FOXP2: variants seen among roughly 807,000 people sequenced by gnomAD.
FOXP2 encodes forkhead box protein P2.
Under a neutral mutation model 115.8 loss-of-function variants are expected in FOXP2, and 12 were observed. The ratio of observed to expected loss-of-function variants is 0.10; its 90% CI spans 0.07 to 0.17. FOXP2 has a LOEUF of 0.17. Among genes scored for constraint, FOXP2 ranks in the 10% least tolerant of loss-of-function variants. The probability of loss-of-function intolerance (pLI) is 1.00; values close to 1 mark genes in which losing one functional copy is unlikely to be tolerated. For synonymous variants in FOXP2, 328 were observed against 297.7 expected (o/e 1.10, Z -1.05); for missense variants, 629 against 843.5 (o/e 0.75, Z 3.15).
At chr7:114,294,583 G>C (rs938607918) in intron 2 of FOXP2, among the ~76,000 whole-genome samples, 5 of 152,110 alleles carry the variant, frequency 3.3e-5, no homozygotes, top group Admixed American at 3.3e-4. Context: ...GCTTACACCT[G>C]TAATCCCATC....
chr7:114,351,871 G>A (rs1305784596), intron 2 of FOXP2, among the ~76,000 whole-genome samples: 1 of 152,114 alleles, frequency 6.6e-6, no homozygotes. Context: ...TTTCAGTATA[G>A]TACTATATTA....
intron 1 of FOXP2, among the ~76,000 whole-genome samples, chr7:114,422,725 A>T (rs1440710969): frequency 1.3e-5 from 2 of 151,714 alleles, no homozygotes; most frequent in Non-Finnish European, 3.0e-5. Flanking sequence ...TGTCCAGGTC[A>T]AGTTTCAAAC....
At chr7:114,431,618 T>C (rs957117312) in intron 2 of FOXP2, among the ~76,000 whole-genome samples, 1 of 151,968 alleles carries the variant, frequency 6.6e-6, no homozygotes, top group Non-Finnish European at 1.5e-5. Flanking sequence ...CCTTTGTGAC[T>C]GTGCATGATC....
chr7:114,668,853 A>T (rs1412281109), intron 16 of FOXP2: 3 of 152,152 alleles, frequency 2.0e-5, no homozygotes, highest in Non-Finnish European at 4.4e-5. Context: ...CAAATTGGAG[A>T]TTACAGTTAA....
At chr7:114,202,444 A>T (rs1794091792) in intron 1 of FOXP2, among the ~76,000 whole-genome samples, 3 of 152,200 alleles carry the variant, frequency 2.0e-5, no homozygotes, top group South Asian at 2.1e-4. Context: ...TTTATTAGTC[A>T]TTCACACCTG....
At chr7:114,094,852 G>T (rs1379079775) in intron 1 of FOXP2, among the ~76,000 whole-genome samples, 3 of 151,676 alleles carry the variant, frequency 2.0e-5, no homozygotes, top group Non-Finnish European at 4.4e-5. Context: ...TAAAGATGAG[G>T]TCTCGCTATG....
At chr7:114,132,800 G>A (rs1201530784) in intron 1 of FOXP2, among the ~76,000 whole-genome samples, 1 of 152,030 alleles carries the variant, frequency 6.6e-6, no homozygotes, top group Non-Finnish European at 1.5e-5. Context: ...CAGTACAGCT[G>A]GTATAGAATA....
chr7:114,343,692 G>T (rs569273875), intron 2 of FOXP2, among the ~76,000 whole-genome samples: 5 of 151,540 alleles, frequency 3.3e-5, no homozygotes, highest in Admixed American at 2.0e-4. Context: ...GCTGTCTATT[G>T]CTTCCACCTT....
intron 1 of FOXP2, among the ~76,000 whole-genome samples, chr7:114,184,151 T>C (rs1409890765): frequency 6.6e-6 from 1 of 152,216 alleles, no homozygotes; most frequent in Non-Finnish European, 1.5e-5. Context: ...TATTTTGCCA[T>C]CTTTTATTTT....
chr7:114,626,379 G>A (rs1011477856), intron 3 of FOXP2, among the ~76,000 whole-genome samples: 1 of 151,632 alleles, frequency 6.6e-6, no homozygotes, highest in Non-Finnish European at 1.5e-5. Context: ...TCCCCATAAA[G>A]TTCACTTATC....
At chr7:114,389,825 A>T (rs1792543462) in intron 2 of FOXP2, among the ~76,000 whole-genome samples, 1 of 152,062 alleles carries the variant, frequency 6.6e-6, no homozygotes, top group African/African-American at 2.4e-5. Flanking sequence ...GGAGTTGGAG[A>T]CTAGCCTGGC....
Position 114,434,064 on chromosome 7 carries a change from T to A in FOXP2, c.168+7385T>A, listed in dbSNP as rs368049470. ...ACCACAAATATACTCATGTTATTACTCAACTTTGATTCAGGGAATGAACCA... is the reference window on the plus strand; with the variant it reads ...ACCACAAATATACTCATGTTATTACACAACTTTGATTCAGGGAATGAACCA... On this transcript the variant is annotated intron_variant, in intron 2 of 16. Transcript: ENST00000350908. 2.9e-4 allele frequency among the ~76,000 whole-genome samples: 44 copies of A among 152,156 alleles called. 1 individual carries two copies. Among genetic ancestry groups the A allele is most frequent in the African/African-American group, 9.9e-4 (41 of 41,578 alleles).
intron 1 of FOXP2, among the ~76,000 whole-genome samples, chr7:114,232,913 C>A (rs1029906053): frequency 6.6e-6 from 1 of 151,950 alleles, no homozygotes; most frequent in Non-Finnish European, 1.5e-5. Context: ...ATAAATAAAT[C>A]GGAGAAGGAC....
intron 1 of FOXP2, among the ~76,000 whole-genome samples, chr7:114,130,783 A>G (rs1313676945): frequency 6.6e-6 from 1 of 152,228 alleles, no homozygotes; most frequent in Non-Finnish European, 1.5e-5. Context: ...AAAATTGGGA[A>G]TTTATTTTTC....
intron 1 of FOXP2, among the ~76,000 whole-genome samples, chr7:114,111,437 A>G (rs986860475): frequency 1.3e-5 from 2 of 152,174 alleles, no homozygotes; most frequent in African/African-American, 4.8e-5. Context: ...CCAGATCAGC[A>G]GAAGAACCAT....
intron 3 of FOXP2, among the ~76,000 whole-genome samples, chr7:114,609,288 A>G (rs1307073553): frequency 2.6e-5 from 4 of 152,114 alleles, no homozygotes; most frequent in African/African-American, 9.7e-5. Flanking sequence ...ATGACACTAT[A>G]AAAAGAACTG....
chr7:114,315,784 T>C (rs1211487268), intron 2 of FOXP2, among the ~76,000 whole-genome samples: 3 of 152,156 alleles, frequency 2.0e-5, no homozygotes, highest in African/African-American at 7.2e-5. Flanking sequence ...GGTCAGAACA[T>C]TTCCATCAGT....
chr7:114,132,586 A>T (rs1336653058), intron 1 of FOXP2, among the ~76,000 whole-genome samples: 149 of 140,652 alleles, frequency 1.1e-3, no homozygotes, highest in African/African-American at 4.0e-3. Flanking sequence ...TGTGTGTGAG[A>T]GAGAGAGAGA....
intron 3 of FOXP2, among the ~76,000 whole-genome samples, chr7:114,615,997 T>C (rs540700002): frequency 6.6e-6 from 1 of 152,214 alleles, no homozygotes; most frequent in Non-Finnish European, 1.5e-5. Context: ...AATATATCAA[T>C]GTTTGTAATT....
Sources: gnomAD v4.1 joint callset for allele counts (sites outside exome capture counted in the v4.1 genomes callset) on GRCh38, gnomAD v4.1.1 for gene constraint, MANE v1.5 for transcripts, NCBI Gene and HGNC (gene_info 2026-07-23, HGNC 2026-07-21) for gene names.